The following NPFFR2 variants were observed in gnomAD, a reference collection of about 807,000 sequenced individuals.
NPFFR2 encodes G-protein coupled receptor 74.
A neutral mutation model predicts 13.1 loss-of-function variants in NPFFR2; 15 were observed. That is an observed-to-expected ratio of 1.15 (90% CI 0.77 to 1.76). NPFFR2 has a LOEUF of 1.76. Among genes scored for constraint, NPFFR2 ranks in the 40% most tolerant of loss-of-function variants. NPFFR2 has a pLI of 0.00. For synonymous variants in NPFFR2, 190 were observed against 175.7 expected, an observed-to-expected ratio of 1.08 and a Z score of -0.65; for missense variants, 572 against 503.5, an observed-to-expected ratio of 1.14 and a Z score of -1.30.
At chr4:72,048,961 C>T (rs561705396) in intron 1 of NPFFR2, among the ~76,000 whole-genome samples, 1 of 151,980 alleles carries the variant, frequency 6.6e-6, no homozygotes, top group South Asian at 2.1e-4. Context: ...TACCCTAGTT[C>T]ACAATTTTTG....
rs34623356 is a variant in NPFFR2 at position 72,038,901 on chromosome 4, C to CTTTTTTTTTTTTTTTTTTTTTTTTTTTT, written c.-8+6704_-8+6705insTTTTTTTTTTTTTTTTTTTTTTTTTTTT. On this transcript the variant is annotated intron_variant, in intron 1 of 3. Coordinates refer to ENST00000308744, the MANE Select transcript of NPFFR2 (RefSeq NM_004885.3). ...TTTTAATTCTTGATTTTTAAATTTC[C>CTTTTTTTTTTTTTTTTTTTTTTTTTTTT]TTTCTTTTTTTTTTTTTTTTTTTTT... Among the ~76,000 whole-genome samples, 2 of 86,918 alleles carry CTTTTTTTTTTTTTTTTTTTTTTTTTTTT rather than the reference C, an allele frequency of 2.3e-5. 1 individual carries two copies. Among genetic ancestry groups the CTTTTTTTTTTTTTTTTTTTTTTTTTTTT allele is most frequent in the Admixed American group, 3.4e-4 (2 of 5,828 alleles). The allele number at this position is 86,918 out of a possible 152,430, so 57.0% of individuals were successfully genotyped here.
chr4:72,035,701 G>C (rs888882207), intron 1 of NPFFR2, among the ~76,000 whole-genome samples: 1 of 151,948 alleles, frequency 6.6e-6, no homozygotes, highest in Non-Finnish European at 1.5e-5. Context: ...ATTAGAAAAA[G>C]GAAAGAAAAA....
rs376009654 is a variant in NPFFR2 at position 72,102,904 on chromosome 4, G to A, written c.-7-25681G>A. Among the ~76,000 whole-genome samples the A allele has an allele frequency of 4.3e-4, 65 of 152,120 alleles. No individual in the cohort carries two copies. In the South Asian group the frequency reaches 0.013, roughly 31 times the overall value. ...ATATACCCAGTAATGGGATTGCTGG[G>A]TCAAGTGGTATTTCTAGTTCTAGAT... On this transcript the variant is annotated intron_variant, in intron 1 of 3. Coordinates refer to ENST00000308744, the MANE Select transcript of NPFFR2 (RefSeq NM_004885.3).
intron 3 of NPFFR2, among the ~76,000 whole-genome samples, chr4:72,145,500 C>T (rs1042070700): frequency 5.9e-5 from 9 of 151,854 alleles, no homozygotes; most frequent in Non-Finnish European, 1.3e-4. Flanking sequence ...ATCCAAAACC[C>T]TATTAGTAGG....
chr4:72,046,879 G>T (rs1193795602), intron 1 of NPFFR2, among the ~76,000 whole-genome samples: 1 of 152,166 alleles, frequency 6.6e-6, no homozygotes, highest in Non-Finnish European at 1.5e-5. Context: ...GTTTCAGAGG[G>T]AAATGAAGAA....
intron 2 of NPFFR2, among the ~76,000 whole-genome samples, chr4:72,137,821 G>A (rs1722464919): frequency 6.6e-6 from 1 of 152,156 alleles, no homozygotes; most frequent in Admixed American, 6.5e-5. Context: ...TATAGTGCCT[G>A]GAATGTGATA....
chr4:72,082,707 C>T (rs1439635889), intron 1 of NPFFR2, among the ~76,000 whole-genome samples: 1 of 152,020 alleles, frequency 6.6e-6, no homozygotes, highest in African/African-American at 2.4e-5. Context: ...GTATACGCTA[C>T]ATTATTATTA....
At chr4:72,066,912 A>G (rs1269669711) in intron 1 of NPFFR2, among the ~76,000 whole-genome samples, 1 of 152,160 alleles carries the variant, frequency 6.6e-6, no homozygotes, top group East Asian at 1.9e-4. Context: ...TTGGTGACAG[A>G]TCTAGGCTCT....
At chr4:72,087,173 C>T (rs1393192392) in intron 1 of NPFFR2, among the ~76,000 whole-genome samples, 2 of 151,940 alleles carry the variant, frequency 1.3e-5, no homozygotes, top group African/African-American at 2.4e-5. Context: ...CATGCCAGCT[C>T]GTAGGAGTTC....
intron 1 of NPFFR2, among the ~76,000 whole-genome samples, chr4:72,089,566 C>G (rs1720860650): frequency 6.6e-6 from 1 of 152,122 alleles, no homozygotes; most frequent in Non-Finnish European, 1.5e-5. Context: ...TTGCATTTCT[C>G]TGATAATTAG....
chr4:72,076,340 A>G (rs1720436188), intron 1 of NPFFR2, among the ~76,000 whole-genome samples: 1 of 152,040 alleles, frequency 6.6e-6, no homozygotes, highest in Admixed American at 6.6e-5. Context: ...TTTGAGAAAA[A>G]CTATTTCATC....
chr4:72,123,530 ACC>A, intron 1 of NPFFR2, among the ~76,000 whole-genome samples: 1 of 152,360 alleles, frequency 6.6e-6, no homozygotes, highest in Non-Finnish European at 1.5e-5. Flanking sequence ...ATACTGGCAA[ACC>A]AAATGAGGCA....
At chr4:72,105,631 G>A (rs113170329) in intron 1 of NPFFR2, among the ~76,000 whole-genome samples, 1 of 152,092 alleles carries the variant, frequency 6.6e-6, no homozygotes, top group South Asian at 2.1e-4. Context: ...TAAATTAATT[G>A]TGCTACATCT....
chr4:72,076,066 T>C (rs1246527427), intron 1 of NPFFR2, among the ~76,000 whole-genome samples: 2 of 149,886 alleles, frequency 1.3e-5, no homozygotes, highest in Non-Finnish European at 3.0e-5. Context: ...GCACTTTCTA[T>C]ACTTGGGAAA....
At chr4:72,034,158 G>C (rs945202632) in intron 1 of NPFFR2, among the ~76,000 whole-genome samples, 1 of 152,170 alleles carries the variant, frequency 6.6e-6, no homozygotes, top group African/African-American at 2.4e-5. Flanking sequence ...CTTCAAAACT[G>C]TCAAGCACAT....
At chr4:72,088,509 A>G (rs1170662471) in intron 1 of NPFFR2, among the ~76,000 whole-genome samples, 2 of 152,104 alleles carry the variant, frequency 1.3e-5, no homozygotes, top group Non-Finnish European at 2.9e-5. Flanking sequence ...ACATACTTCT[A>G]TGTGTATGTT....
chr4:72,079,224 T>C (rs1424488064), intron 1 of NPFFR2, among the ~76,000 whole-genome samples: 1 of 152,046 alleles, frequency 6.6e-6, no homozygotes, highest in Non-Finnish European at 1.5e-5. Context: ...TTCTTACAAC[T>C]ATGTGTGAGT....
At chr4:72,062,679 G>A (rs2109776115) in intron 1 of NPFFR2, among the ~76,000 whole-genome samples, 1 of 152,228 alleles carries the variant, frequency 6.6e-6, no homozygotes, top group Admixed American at 6.5e-5. Context: ...AAAATGTAAT[G>A]GTACTCCAGG....
intron 2 of NPFFR2, among the ~76,000 whole-genome samples, chr4:72,134,622 T>C (rs1295077475): frequency 3.9e-5 from 6 of 152,236 alleles, no homozygotes; most frequent in African/African-American, 1.4e-4. Flanking sequence ...TGTTTTTCAT[T>C]TTCCTAGATT....
Sources: gnomAD v4.1 joint callset for allele counts (sites outside exome capture counted in the v4.1 genomes callset) on GRCh38, gnomAD v4.1.1 for gene constraint, MANE v1.5 for transcripts, NCBI Gene and HGNC (gene_info 2026-07-23, HGNC 2026-07-21) for gene names.